Variants in NCKAP1 observed in about 807,000 individuals in gnomAD.
NCKAP1 encodes the protein NCK associated protein 1, also known as nck-associated protein 1.
A neutral mutation model predicts 151.2 loss-of-function variants in NCKAP1; 21 were observed. That is an observed-to-expected ratio of 0.14 (90% CI 0.10 to 0.20). The LOEUF is 0.20. Among genes scored for constraint, NCKAP1 ranks in the 10% least tolerant of loss-of-function variants. The probability of loss-of-function intolerance (pLI) is 1.00; values close to 1 mark genes in which losing one functional copy is unlikely to be tolerated. For missense variants in NCKAP1, 933 were observed against 1,352.1 expected, an observed-to-expected ratio of 0.69 and a Z score of 4.86; for synonymous variants, 484 against 451.8, an observed-to-expected ratio of 1.07 and a Z score of -0.90.
chr2:183,021,517 G>C (rs1163563297), intron 2 of NCKAP1, among the ~76,000 whole-genome samples: 3 of 152,184 alleles, frequency 2.0e-5, no homozygotes, highest in African/African-American at 7.2e-5. Flanking sequence ...AGGCTAAGAT[G>C]AGAACATCAT....
chr2:182,957,388 T>C lies in NCKAP1; in HGVS notation c.2021+69A>G, dbSNP rs1349005899. 13 of 1,488,666 alleles carry C rather than the reference T, an allele frequency of 8.7e-6. 1 individual carries two copies. Among genetic ancestry groups the C allele is most frequent in the South Asian group, 4.0e-5 (3 of 74,974 alleles). The allele number at this position is 1,488,666 out of a possible 1,614,324, so 92.2% of individuals were successfully genotyped here. On this transcript the variant is annotated intron_variant, in intron 19 of 30. Transcript: ENST00000361354. ...ATTATTAGCATTTCCTCAGTACTAA[T>C]GTCAATAGAAAAAAATGAAATAAAT... is the stretch of plus-strand genomic sequence containing the variant.
chr2:182,949,022 G>T (rs2105818462), intron 23 of NCKAP1, among the ~76,000 whole-genome samples: 1 of 152,340 alleles, frequency 6.6e-6, no homozygotes, highest in South Asian at 2.1e-4. Flanking sequence ...ACGAGGAAGA[G>T]AAAGATGATA....
chr2:182,983,828 T>A (rs1027011079), intron 10 of NCKAP1, among the ~76,000 whole-genome samples: 40 of 152,038 alleles, frequency 2.6e-4, no homozygotes, highest in African/African-American at 9.4e-4. Context: ...AGCTCAGGAG[T>A]TCGAGACCAG....
chr2:182,983,452 G>T, intron 10 of NCKAP1, 70 bp from the exon 11 acceptor site: 1 of 1,120,838 alleles, frequency 8.9e-7, no homozygotes, highest in Non-Finnish European at 1.3e-6. Flanking sequence ...AAAGTAACTA[G>T]CATTATAGGT....
chr2:182,927,048 A>G, intron 29 of NCKAP1, 143 bp from the exon 30 acceptor site: 1 of 558,640 alleles, frequency 1.8e-6, no homozygotes, highest in South Asian at 2.4e-5. Flanking sequence ...AGATGAGCTT[A>G]GATAGCCTAC....
At position 183,003,297 on chromosome 2, in the gene NCKAP1, T is replaced by C; in HGVS notation, c.248A>G (p.Lys83Arg). ...NQQLAQLQKE[K>R]SEILKNLALY... ...TGCCAGATTTTTCAGAATCTCTGAT[T>C]TTTCTTTCTGTAGTTGTGCAAGCTG... The change falls in exon 3 of 31, where the codon AAA becomes AGA. Residue 83 changes from lysine (K) to arginine (R), a missense_variant. Physicochemically the swap from Lys to Arg is conservative, Grantham distance 26. Coordinates refer to ENST00000361354, the MANE Select transcript of NCKAP1 (RefSeq NM_013436.5). 1 of 1,600,398 alleles carries C rather than the reference T, an allele frequency of 6.2e-7. No homozygotes were observed. The highest frequency in any genetic ancestry group is 8.5e-7 in the Non-Finnish European group (1 of 1,173,130).
intron 16 of NCKAP1, among the ~76,000 whole-genome samples, chr2:182,965,963 A>G (rs1024925274): frequency 6.6e-6 from 1 of 152,172 alleles, no homozygotes; most frequent in Non-Finnish European, 1.5e-5. Flanking sequence ...TTTAAGAGGC[A>G]TGGTTTCTCT....
chr2:183,020,727 T>C (rs911511417), intron 2 of NCKAP1, among the ~76,000 whole-genome samples: 2 of 152,156 alleles, frequency 1.3e-5, no homozygotes, highest in African/African-American at 4.8e-5. Context: ...GTGCACTTAG[T>C]AGCCAGAAAT....
chr2:183,017,538 A>G (rs1698716112), intron 2 of NCKAP1, among the ~76,000 whole-genome samples: 1 of 152,130 alleles, frequency 6.6e-6, no homozygotes, highest in African/African-American at 2.4e-5. Context: ...CTCAGGCAGT[A>G]ATGTGAGTGA....
intron 24 of NCKAP1, among the ~76,000 whole-genome samples, chr2:182,940,507 T>A (rs1696974971): frequency 1.3e-5 from 2 of 152,178 alleles, no homozygotes; most frequent in Non-Finnish European, 2.9e-5. Context: ...TGGTGCTATC[T>A]CAGCCGACTG....
rs568314796 is a variant in NCKAP1 at position 182,949,680 on chromosome 2, G to A, written c.2601+2725C>T. On this transcript the variant is annotated intron_variant, in intron 23 of 30. Coordinates refer to ENST00000361354, the MANE Select transcript of NCKAP1 (RefSeq NM_013436.5). ...TTGCTGGCACATGCCTGTAGTCCCA[G>A]CTACTCAGGAGGCTGAGGTGACAGA... is the stretch of plus-strand genomic sequence containing the variant. 6.6e-5 allele frequency among the ~76,000 whole-genome samples: 10 copies of A among 152,260 alleles called. No individual in the cohort carries two copies. In the East Asian group the frequency reaches 1.7e-3, roughly 27 times the overall value.
chr2:182,986,997 T>C (rs1698069313), intron 9 of NCKAP1, among the ~76,000 whole-genome samples: 1 of 152,170 alleles, frequency 6.6e-6, no homozygotes, highest in African/African-American at 2.4e-5. Flanking sequence ...ATCCCAGCAC[T>C]TTGGGAGGCC....
chr2:182,943,449 C>A (rs1697036948), intron 23 of NCKAP1, among the ~76,000 whole-genome samples: 1 of 152,110 alleles, frequency 6.6e-6, no homozygotes, highest in Admixed American at 6.5e-5. Flanking sequence ...AATTTAACTT[C>A]TATGGTCTCT....
intron 2 of NCKAP1, among the ~76,000 whole-genome samples, chr2:183,014,394 A>G (rs1471697967): frequency 6.6e-6 from 1 of 152,160 alleles, no homozygotes; most frequent in Non-Finnish European, 1.5e-5. Flanking sequence ...ATAGTAAAAA[A>G]AAGTCGAGGC....
Position 182,934,733 on chromosome 2 carries a change from C to A in NCKAP1, c.2859+19G>T, listed in dbSNP as rs1358410543. ...TCGCTTTAGAGACTGTAAACCCCAA[C>A]TATAAATTATATTATTACCTTCATA... On this transcript the variant is annotated intron_variant, in intron 26 of 30. Transcript: ENST00000361354. The A allele has an allele frequency of 1.6e-6, 2 of 1,239,810 alleles. No homozygotes were observed. Among genetic ancestry groups the A allele is most frequent in the Middle Eastern group, 1.9e-4 (1 of 5,364 alleles). The allele number at this position is 1,239,810 out of a possible 1,614,324, so 76.8% of individuals were successfully genotyped here.
intron 24 of NCKAP1, among the ~76,000 whole-genome samples, chr2:182,937,239 A>G (rs920882034): frequency 1.3e-5 from 2 of 152,038 alleles, no homozygotes; most frequent in African/African-American, 4.8e-5. Context: ...GTTCTCAAAG[A>G]CTATACCCTA....
At chr2:182,938,415 G>C (rs996420328) in intron 24 of NCKAP1, among the ~76,000 whole-genome samples, 1 of 152,120 alleles carries the variant, frequency 6.6e-6, no homozygotes, top group African/African-American at 2.4e-5. Context: ...GAGAATAAAA[G>C]AGATAAACAC....
chr2:182,940,313 G>A (rs1575018631), intron 24 of NCKAP1, among the ~76,000 whole-genome samples: 1 of 136,088 alleles, frequency 7.3e-6, no homozygotes, highest in East Asian at 1.9e-4. Context: ...GAAAGATCAG[G>A]AGAGTTTTAA....
intron 4 of NCKAP1, 117 bp from the exon 5 acceptor site, chr2:183,002,386 G>C (rs1219949989): frequency 5.6e-6 from 4 of 714,196 alleles, no homozygotes; most frequent in Non-Finnish European, 8.6e-6. Context: ...TTTTATCCCT[G>C]TTCTAAAATG....
Sources: allele counts gnomAD v4.1 joint callset (sites outside exome capture counted in the v4.1 genomes callset), GRCh38; gene constraint gnomAD v4.1.1; transcripts MANE v1.5; gene names NCBI Gene and HGNC (gene_info 2026-07-23, HGNC 2026-07-21).